The following ZNF670 variants were observed in gnomAD, a reference collection of about 807,000 sequenced individuals.
ZNF670 encodes the protein zinc finger protein 670.
A neutral mutation model predicts 10.9 loss-of-function variants in ZNF670; 7 were observed. The observed-to-expected ratio is 0.64, with a 90% CI of 0.36 to 1.20. The LOEUF (loss-of-function observed/expected upper bound fraction) is 1.20, where lower values mean the gene tolerates loss of function less well. ZNF670 is among the 50% of genes most tolerant of loss of function. The pLI is 0.02. For synonymous variants in ZNF670, 136 were observed against 152.7 expected (o/e 0.89, Z 0.81); for missense variants, 446 against 458.6 (o/e 0.97, Z 0.25).
chr1:247,051,083 TGG>T (rs1670582504), intron 1 of ZNF670, among the ~76,000 whole-genome samples: 1 of 150,936 alleles, frequency 6.6e-6, no homozygotes, highest in Non-Finnish European at 1.5e-5. Context: ...CCGAGGCGGG[TGG>T]ATCACGAGGT....
Position 247,064,121 on chromosome 1 carries a change from A to G in ZNF670, c.3+14473T>C, listed in dbSNP as rs573300669. On this transcript the variant is annotated intron_variant, in intron 1 of 3. Coordinates refer to ENST00000366503, the MANE Select transcript of ZNF670 (RefSeq NM_033213.5). ...GCACACTCACCATTTCCCAACTTCT[A>G]GAGTGTCCCTGCATCTTTTCCAGAA... 3.9e-5 allele frequency among the ~76,000 whole-genome samples: 6 copies of G among 152,312 alleles called. No individual in the cohort carries two copies. The East Asian group carries it at 7.7e-4, about 20-fold the overall frequency.
chr1:247,051,986 CTG>C (rs1670608319), intron 1 of ZNF670, among the ~76,000 whole-genome samples: 5 of 140,072 alleles, frequency 3.6e-5, no homozygotes, highest in Middle Eastern at 3.8e-3. Context: ...CGTCCATGTC[CTG>C]TATTTTTTTT....
chr1:247,055,226 G>A (rs1341482828), intron 1 of ZNF670, among the ~76,000 whole-genome samples: 6 of 152,234 alleles, frequency 3.9e-5, no homozygotes, highest in East Asian at 1.9e-4. Context: ...TTGTGGGCAC[G>A]TACATGGTGG....
In ZNF670 at chr1:247,070,608, G is replaced by A. The variant is rs539111846; in HGVS notation, c.3+7986C>T. ...CATGACAAAGTCTCCAAAAGCAATC[G>A]CAACAAAAACAAAAATAAATAAGTG... On this transcript the variant is annotated intron_variant, in intron 1 of 3. Coordinates refer to ENST00000366503, the MANE Select transcript of ZNF670 (RefSeq NM_033213.5). Among the ~76,000 whole-genome samples the A allele has an allele frequency of 2.6e-5, 4 of 152,068 alleles. No individual in the cohort carries two copies. In the South Asian group the frequency reaches 6.2e-4, roughly 24 times the overall value.
chr1:247,054,678 T>C (rs1670676542), intron 1 of ZNF670, among the ~76,000 whole-genome samples: 1 of 152,170 alleles, frequency 6.6e-6, no homozygotes. Flanking sequence ...GCCACGGGCC[T>C]TTGGTGACAT....
chr1:247,062,507 A>T (rs1670881642), intron 1 of ZNF670, among the ~76,000 whole-genome samples: 1 of 152,226 alleles, frequency 6.6e-6, no homozygotes, highest in African/African-American at 2.4e-5. Flanking sequence ...AGGCTCAAAC[A>T]AATCTTTTTA....
chr1:247,067,174 GCC>G (rs1173188748), intron 1 of ZNF670, among the ~76,000 whole-genome samples: 1 of 152,050 alleles, frequency 6.6e-6, no homozygotes, highest in Non-Finnish European at 1.5e-5. Flanking sequence ...GGTGGCTCAT[GCC>G]TGTAATCCTA....
intron 1 of ZNF670, chr1:247,042,752 A>G: frequency 2.3e-6 from 1 of 426,830 alleles, no homozygotes; most frequent in Non-Finnish European, 4.3e-6. Flanking sequence ...TAGGCATAAA[A>G]GGCAATGGTC....
intron 1 of ZNF670, among the ~76,000 whole-genome samples, chr1:247,066,499 G>A (rs1348443469): frequency 1.3e-5 from 2 of 152,150 alleles, no homozygotes; most frequent in Non-Finnish European, 2.9e-5. Flanking sequence ...GTGGAGCATG[G>A]TCATGGATGC....
intron 1 of ZNF670, among the ~76,000 whole-genome samples, chr1:247,069,443 CA>C (rs34252176): frequency 6.0e-5 from 9 of 149,656 alleles, no homozygotes; most frequent in East Asian, 5.8e-4. Flanking sequence ...GAAGGTCTTT[CA>C]AAAAAAAACT....
rs139633211 is a variant in ZNF670, at chr1:247,063,841, G to A, written c.3+14753C>T. Among the ~76,000 whole-genome samples the A allele has an allele frequency of 2.6e-5, 4 of 152,322 alleles. No individual in the cohort carries two copies. In the East Asian group the frequency reaches 7.7e-4, roughly 29 times the overall value. On this transcript the variant is annotated intron_variant, in intron 1 of 3. Coordinates refer to ENST00000366503, the MANE Select transcript of ZNF670 (RefSeq NM_033213.5). Reference sequence around the variant, plus strand: ...CCCGTCACAGCCACACAATCTGAGGGAGACATGGGGCTGTGGGCACACAGC... The same window carrying A: ...CCCGTCACAGCCACACAATCTGAGGAAGACATGGGGCTGTGGGCACACAGC...
At chr1:247,043,494 A>C (rs1670367651) in intron 1 of ZNF670, 2 of 652,190 alleles carry the variant, frequency 3.1e-6, no homozygotes, top group Non-Finnish European at 5.5e-6. Flanking sequence ...ATTCTCAAAA[A>C]TAACAAAAGC....
chr1:247,076,256 GA>G (rs1671249683), intron 1 of ZNF670, among the ~76,000 whole-genome samples: 1 of 149,192 alleles, frequency 6.7e-6, no homozygotes, highest in African/African-American at 2.5e-5. Context: ...CTGTGTGCTT[GA>G]ATTTTTTTTT....
At chr1:247,042,343 G>A (rs964123123) in intron 1 of ZNF670, among the ~76,000 whole-genome samples, 3 of 152,336 alleles carry the variant, frequency 2.0e-5, no homozygotes, top group African/African-American at 7.2e-5. Context: ...GGTGGGCAAT[G>A]TCTGAACATT....
intron 1 of ZNF670, among the ~76,000 whole-genome samples, chr1:247,056,299 A>G (rs1231517807): frequency 1.3e-5 from 2 of 152,192 alleles, no homozygotes; most frequent in Non-Finnish European, 2.9e-5. Context: ...TCTTTAAAAC[A>G]TTCACCAGAA....
intron 1 of ZNF670, among the ~76,000 whole-genome samples, chr1:247,048,313 CTT>C (rs1351014495): frequency 2.0e-5 from 3 of 152,194 alleles, no homozygotes; most frequent in African/African-American, 7.2e-5. Context: ...CTGCCAGTCT[CTT>C]TGCTAAAGTA....
chr1:247,045,076 A>C (rs1670407280), intron 1 of ZNF670, among the ~76,000 whole-genome samples: 2 of 152,212 alleles, frequency 1.3e-5, no homozygotes, highest in African/African-American at 4.8e-5. Context: ...ACCAAATTAG[A>C]GAGACAGAGA....
chr1:247,078,550 G>C (rs1005655506), intron 1 of ZNF670, 44 bp downstream of exon 1: 22 of 1,613,038 alleles, frequency 1.4e-5, no homozygotes, highest in Non-Finnish European at 1.8e-5. Flanking sequence ...GCTTCCTGGC[G>C]GTTCCCTTTT....
At chr1:247,048,699 A>T (rs1670516862) in intron 1 of ZNF670, among the ~76,000 whole-genome samples, 1 of 152,114 alleles carries the variant, frequency 6.6e-6, no homozygotes, top group South Asian at 2.1e-4. Flanking sequence ...ATGGCTGGGG[A>T]GGCCTCAGGA....
Sources: allele counts gnomAD v4.1 joint callset (sites outside exome capture counted in the v4.1 genomes callset), GRCh38; gene constraint gnomAD v4.1.1; transcripts MANE v1.5; gene names NCBI Gene and HGNC (gene_info 2026-07-23, HGNC 2026-07-21).